THEMIS: variants seen among roughly 807,000 people sequenced by gnomAD.
The protein encoded by THEMIS is thymocyte selection associated.
A neutral mutation model predicts 52.6 loss-of-function variants in THEMIS; 37 were observed. The ratio of observed to expected loss-of-function variants is 0.70; its 90% CI spans 0.54 to 0.93. The LOEUF is 0.93. Ranked by LOEUF, THEMIS falls within the 40% of genes least tolerant of loss-of-function variation. The pLI is 0.00. For synonymous variants in THEMIS, 292 were observed against 272.7 expected, an observed-to-expected ratio of 1.07 and a Z score of -0.70; for missense variants, 808 against 763.1, an observed-to-expected ratio of 1.06 and a Z score of -0.69.
chr6:127,764,267 T>A (rs1238801973), intron 4 of THEMIS, among the ~76,000 whole-genome samples: 4 of 151,978 alleles, frequency 2.6e-5, no homozygotes, highest in Non-Finnish European at 5.9e-5. Context: ...TCCACAGTCA[T>A]TTGCCAAAAT....
intron 4 of THEMIS, 48 bp downstream of exon 4, chr6:127,812,835 C>T: frequency 1.3e-6 from 2 of 1,504,578 alleles, no homozygotes; most frequent in Non-Finnish European, 1.8e-6. Context: ...AAACAAATTG[C>T]CTGAAGGAAC....
At chr6:127,883,440 G>C (rs1002051657) in intron 1 of THEMIS, among the ~76,000 whole-genome samples, 1 of 151,134 alleles carries the variant, frequency 6.6e-6, no homozygotes, top group East Asian at 1.9e-4. Context: ...ATATATATGT[G>C]TATATATATA....
chr6:127,895,846 C>T (rs73773936), intron 1 of THEMIS, among the ~76,000 whole-genome samples: 1 of 151,192 alleles, frequency 6.6e-6, no homozygotes, highest in Middle Eastern at 3.2e-3. Flanking sequence ...ACAAAAGACT[C>T]CAACCAAGAA....
chr6:127,828,566 C>T (rs1778586270), intron 3 of THEMIS, among the ~76,000 whole-genome samples: 1 of 152,190 alleles, frequency 6.6e-6, no homozygotes, highest in Non-Finnish European at 1.5e-5. Flanking sequence ...GTGTCATAAT[C>T]CTGAAAATTC....
chr6:127,898,010 A>G (rs576316752), intron 1 of THEMIS, among the ~76,000 whole-genome samples: 26 of 151,854 alleles, frequency 1.7e-4, no homozygotes, highest in Non-Finnish European at 3.2e-4. Flanking sequence ...AAACAGATAT[A>G]CCAACCAGAA....
chr6:127,826,188 A>C (rs1376991024), intron 3 of THEMIS, among the ~76,000 whole-genome samples: 1 of 152,188 alleles, frequency 6.6e-6, no homozygotes, highest in Non-Finnish European at 1.5e-5. Context: ...TTACCTCAGA[A>C]GAGCAGAATA....
At chr6:127,738,020 C>A (rs1487067512) in intron 4 of THEMIS, among the ~76,000 whole-genome samples, 1 of 152,064 alleles carries the variant, frequency 6.6e-6, no homozygotes, top group Non-Finnish European at 1.5e-5. Context: ...GGCCTCTATC[C>A]TTCTTACCTT....
intron 4 of THEMIS, among the ~76,000 whole-genome samples, chr6:127,754,871 C>T (rs1775767633): frequency 6.6e-6 from 1 of 151,730 alleles, no homozygotes; most frequent in African/African-American, 2.4e-5. Context: ...TATAAATTAT[C>T]TATTGATCAT....
chr6:127,858,470 A>G (rs959786199), intron 1 of THEMIS, among the ~76,000 whole-genome samples: 1 of 152,138 alleles, frequency 6.6e-6, no homozygotes, highest in South Asian at 2.1e-4. Context: ...ATGATAGGTG[A>G]CAGGGACATA....
chr6:127,776,685 A>C (rs959830460), intron 4 of THEMIS, among the ~76,000 whole-genome samples: 1 of 152,222 alleles, frequency 6.6e-6, no homozygotes, highest in African/African-American at 2.4e-5. Context: ...TTTGCTGTTT[A>C]TACTTATTAA....
At chr6:127,885,354 A>G (rs1187949786) in intron 1 of THEMIS, among the ~76,000 whole-genome samples, 1 of 152,116 alleles carries the variant, frequency 6.6e-6, no homozygotes, top group Non-Finnish European at 1.5e-5. Flanking sequence ...TAGCAAAATT[A>G]TTACTACTTC....
chr6:127,848,283 C>A (rs1779292852), intron 2 of THEMIS, among the ~76,000 whole-genome samples: 1 of 151,890 alleles, frequency 6.6e-6, no homozygotes, highest in African/African-American at 2.4e-5. Flanking sequence ...CATAGTATTC[C>A]ATGGTGTATA....
At chr6:127,787,842 T>TAG (rs1399406893) in intron 4 of THEMIS, among the ~76,000 whole-genome samples, 26 of 98,244 alleles carry the variant, frequency 2.6e-4, no homozygotes, top group African/African-American at 9.6e-4. Flanking sequence ...TAGATAGAGA[T>TAG]AGACAGATAT....
intron 4 of THEMIS, among the ~76,000 whole-genome samples, chr6:127,789,774 A>C (rs1777096845): frequency 1.3e-5 from 2 of 152,156 alleles, no homozygotes; most frequent in Non-Finnish European, 1.5e-5. Flanking sequence ...ATGACAAAAA[A>C]CACATGATTC....
At chr6:127,878,030 G>A (rs1047708982) in intron 1 of THEMIS, among the ~76,000 whole-genome samples, 8 of 152,106 alleles carry the variant, frequency 5.3e-5, no homozygotes, top group African/African-American at 1.9e-4. Context: ...ACTAATCAAA[G>A]GTCCATGCTC....
At chr6:127,800,482 A>C (rs1235668419) in intron 4 of THEMIS, among the ~76,000 whole-genome samples, 2 of 152,192 alleles carry the variant, frequency 1.3e-5, no homozygotes, top group African/African-American at 4.8e-5. Flanking sequence ...TCAACTCAGA[A>C]ATTTCAAACC....
rs183377652 is a variant in THEMIS, at chr6:127,730,166, C to A, written c.1759-10343G>T. ...CCTGTAGTCCCAGCTACTCAGGAAGCTGAGGCTGGAGGATTGCTTTAGTCT... is the reference window on the plus strand; with the variant it reads ...CCTGTAGTCCCAGCTACTCAGGAAGATGAGGCTGGAGGATTGCTTTAGTCT... On this transcript the variant is annotated intron_variant, in intron 4 of 5. Transcript: ENST00000368248. Among the ~76,000 whole-genome samples, 64 of 151,868 alleles carry A rather than the reference C, an allele frequency of 4.2e-4. 1 individual carries two copies. The East Asian group carries it at 0.011, about 26-fold the overall frequency.
intron 3 of THEMIS, among the ~76,000 whole-genome samples, chr6:127,821,954 T>C (rs879124451): frequency 6.6e-6 from 1 of 152,026 alleles, no homozygotes; most frequent in Admixed American, 6.6e-5. Flanking sequence ...CATATTTTTC[T>C]CCAAAGAAAT....
chr6:127,712,382 G>T (rs1048363818), intron 5 of THEMIS, among the ~76,000 whole-genome samples: 4 of 151,880 alleles, frequency 2.6e-5, no homozygotes, highest in African/African-American at 9.7e-5. Context: ...GACAGAGCAG[G>T]AGATTCCACA....
Sources: allele counts gnomAD v4.1 joint callset (sites outside exome capture counted in the v4.1 genomes callset), GRCh38; gene constraint gnomAD v4.1.1; transcripts MANE v1.5; gene names NCBI Gene and HGNC (gene_info 2026-07-23, HGNC 2026-07-21).